Variants in LHFPL3 observed in about 807,000 individuals in gnomAD.
LHFPL3 encodes the protein LHFPL tetraspan subfamily member 3 protein.
LHFPL3 carries 5 observed loss-of-function variants against 19.3 expected under a neutral mutation model. The ratio of observed to expected loss-of-function variants is 0.26; its 90% CI spans 0.14 to 0.54. The LOEUF (loss-of-function observed/expected upper bound fraction) is 0.54, where lower values mean the gene tolerates loss of function less well. LHFPL3 is among the 20% of genes least tolerant of loss of function. The pLI is 0.94. For synonymous variants in LHFPL3, 133 were observed against 126.2 expected (o/e 1.05, Z -0.36); for missense variants, 249 against 307.4 (o/e 0.81, Z 1.42).
intron 1 of LHFPL3, among the ~76,000 whole-genome samples, chr7:104,456,821 AAG>A (rs1277755079): frequency 6.6e-6 from 1 of 152,222 alleles, no homozygotes; most frequent in Non-Finnish European, 1.5e-5. Context: ...ACATTGGACA[AAG>A]AGATGATTCA....
chr7:104,423,092 CA>C (rs1203781724), intron 1 of LHFPL3, among the ~76,000 whole-genome samples: 3 of 152,038 alleles, frequency 2.0e-5, no homozygotes, highest in African/African-American at 7.3e-5. Flanking sequence ...TTACAGAGTG[CA>C]TAAGGTCAGT....
At chr7:104,808,890 C>CTT (rs151212974) in intron 2 of LHFPL3, among the ~76,000 whole-genome samples, 13 of 77,210 alleles carry the variant, frequency 1.7e-4, no homozygotes, top group Admixed American at 3.0e-4. Flanking sequence ...ATGATAGATC[C>CTT]TTTTTTTTTT....
At chr7:104,769,621 C>G (rs1377809089) in intron 2 of LHFPL3, among the ~76,000 whole-genome samples, 2 of 151,754 alleles carry the variant, frequency 1.3e-5, no homozygotes, top group African/African-American at 4.9e-5. Context: ...CCCCCCAACC[C>G]CCGACAGGCC....
intron 1 of LHFPL3, among the ~76,000 whole-genome samples, chr7:104,388,426 G>C (rs778405508): frequency 6.6e-6 from 1 of 151,864 alleles, no homozygotes; most frequent in Non-Finnish European, 1.5e-5. Flanking sequence ...CTTTTCACCA[G>C]AAATTGTTAA....
intron 2 of LHFPL3, among the ~76,000 whole-genome samples, chr7:104,841,232 C>T (rs1562811042): frequency 6.6e-6 from 1 of 152,164 alleles, no homozygotes; most frequent in Non-Finnish European, 1.5e-5. Flanking sequence ...AATATCACCC[C>T]TATGATCCCA....
chr7:104,366,198 T>A (rs1221831112), intron 1 of LHFPL3, among the ~76,000 whole-genome samples: 1 of 152,104 alleles, frequency 6.6e-6, no homozygotes, highest in Non-Finnish European at 1.5e-5. Context: ...CAGAGAACAC[T>A]GAGGGTAAAA....
Position 104,398,306 on chromosome 7 carries a change from G to T in LHFPL3, c.445+69082G>T, listed in dbSNP as rs374424811. ...TGTCAAAAGTAGGAGGAAGGGACAG[G>T]CTCCAGGCCTCCATCCCTGTTTTCA... is the stretch of plus-strand genomic sequence containing the variant. On this transcript the variant is annotated intron_variant, in intron 1 of 2. Transcript: ENST00000424859. 2.7e-4 allele frequency among the ~76,000 whole-genome samples: 41 copies of T among 152,268 alleles called. No individual in the cohort carries two copies. In the East Asian group the frequency reaches 4.2e-3, roughly 16 times the overall value.
intron 1 of LHFPL3, among the ~76,000 whole-genome samples, chr7:104,349,725 A>T (rs1489490352): frequency 3.3e-5 from 5 of 152,336 alleles, no homozygotes; most frequent in South Asian, 2.1e-4. Context: ...GTATAATTTT[A>T]AAAAAGTAAC....
At chr7:104,559,632 A>C (rs1789940845) in intron 1 of LHFPL3, among the ~76,000 whole-genome samples, 1 of 152,154 alleles carries the variant, frequency 6.6e-6, no homozygotes, top group East Asian at 1.9e-4. Flanking sequence ...GCAAACAGGG[A>C]CAATTTGACT....
chr7:104,767,232 A>G (rs1794470480), intron 2 of LHFPL3, among the ~76,000 whole-genome samples: 1 of 152,240 alleles, frequency 6.6e-6, no homozygotes, highest in South Asian at 2.1e-4. Context: ...AACTGTCACG[A>G]TCAGAGCAGC....
intron 1 of LHFPL3, among the ~76,000 whole-genome samples, chr7:104,395,744 A>G (rs1356437648): frequency 6.6e-6 from 1 of 152,182 alleles, no homozygotes; most frequent in Non-Finnish European, 1.5e-5. Flanking sequence ...TCCTCAGCCT[A>G]GATTTTTCTA....
intron 2 of LHFPL3, among the ~76,000 whole-genome samples, chr7:104,766,963 A>C (rs1794466811): frequency 2.0e-5 from 3 of 152,218 alleles, no homozygotes; most frequent in Non-Finnish European, 4.4e-5. Flanking sequence ...CAGAGTTTAT[A>C]ATCATGAGAA....
chr7:104,701,242 G>A (rs1044117345), intron 1 of LHFPL3, among the ~76,000 whole-genome samples: 6 of 152,036 alleles, frequency 3.9e-5, no homozygotes, highest in Non-Finnish European at 2.9e-5. Flanking sequence ...TTTTGTGGGT[G>A]AATTTTTTTC....
chr7:104,836,623 A>G (rs992696152), intron 2 of LHFPL3, among the ~76,000 whole-genome samples: 2 of 152,190 alleles, frequency 1.3e-5, no homozygotes, highest in African/African-American at 2.4e-5. Context: ...AGGAAAGATC[A>G]TATCAGGGCT....
intron 1 of LHFPL3, among the ~76,000 whole-genome samples, chr7:104,733,175 T>C (rs1457092983): frequency 6.6e-6 from 1 of 152,190 alleles, no homozygotes; most frequent in African/African-American, 2.4e-5. Flanking sequence ...AGGTGTGGTG[T>C]GGTGCTGAGA....
intron 1 of LHFPL3, among the ~76,000 whole-genome samples, chr7:104,597,119 A>G (rs1286081934): frequency 6.6e-6 from 1 of 152,220 alleles, no homozygotes; most frequent in Non-Finnish European, 1.5e-5. Context: ...TGACAAATGG[A>G]TTCATAATGA....
chr7:104,442,971 TA>T (rs1792255981), intron 1 of LHFPL3, among the ~76,000 whole-genome samples: 1 of 152,236 alleles, frequency 6.6e-6, no homozygotes, highest in South Asian at 2.1e-4. Context: ...TTTGGTATGA[TA>T]ATCATTAGTG....
chr7:104,501,648 C>T (rs967958941), intron 1 of LHFPL3, among the ~76,000 whole-genome samples: 20 of 152,144 alleles, frequency 1.3e-4, no homozygotes, highest in Non-Finnish European at 2.6e-4. Context: ...TGACGTCCAC[C>T]ATAAACTACC....
intron 1 of LHFPL3, among the ~76,000 whole-genome samples, chr7:104,564,387 A>G (rs147740805): frequency 5.8e-4 from 88 of 152,340 alleles, no homozygotes; most frequent in Non-Finnish European, 8.4e-4. Context: ...TAAAACAGCC[A>G]GCAGTAGGAA....
Sources: allele counts gnomAD v4.1 joint callset (sites outside exome capture counted in the v4.1 genomes callset), GRCh38; gene constraint gnomAD v4.1.1; transcripts MANE v1.5; gene names NCBI Gene and HGNC (gene_info 2026-07-23, HGNC 2026-07-21).